The following RTTN variants were observed in gnomAD, a reference collection of about 807,000 sequenced individuals.
RTTN encodes the protein rotatin.
A neutral mutation model predicts 269.2 loss-of-function variants in RTTN; 182 were observed. The observed-to-expected ratio is 0.68, with a 90% CI of 0.60 to 0.76. RTTN has a LOEUF of 0.76. RTTN is among the 30% of genes least tolerant of loss of function. The probability of loss-of-function intolerance (pLI) is 0.00; values close to 1 mark genes in which losing one functional copy is unlikely to be tolerated. For missense variants in RTTN, 2,545 were observed against 2,608.6 expected (o/e 0.98, Z 0.53); for synonymous variants, 1,006 against 963.5 (o/e 1.04, Z -0.82).
chr18:70,197,782 T>C, intron 5 of RTTN, 44 bp from the exon 6 acceptor site: 2 of 1,255,930 alleles, frequency 1.6e-6, no homozygotes, highest in South Asian at 1.2e-5. Flanking sequence ...AGTTCATCTA[T>C]TCCAGATTCT....
At chr18:70,028,642 T>G (rs897123747) in intron 43 of RTTN, 82 bp downstream of exon 43, 65 of 747,376 alleles carry the variant, frequency 8.7e-5, no homozygotes, top group Non-Finnish European at 1.2e-4. Context: ...TTTCCATTTT[T>G]CCTACTACAT....
At chr18:70,052,242 TA>T (rs1021960944) in intron 38 of RTTN, among the ~76,000 whole-genome samples, 1 of 152,152 alleles carries the variant, frequency 6.6e-6, no homozygotes, top group African/African-American at 2.4e-5. Flanking sequence ...GTAAACTTTA[TA>T]GGACGTTAAC....
chr18:70,150,999 T>C (rs1011508947), intron 14 of RTTN, among the ~76,000 whole-genome samples: 3 of 151,822 alleles, frequency 2.0e-5, no homozygotes, highest in African/African-American at 7.2e-5. Flanking sequence ...TTAAAGTTAA[T>C]TCATCATGAC....
chr18:70,166,329 T>C (rs1032396602), intron 13 of RTTN, 141 bp from the exon 14 acceptor site: 1 of 743,946 alleles, frequency 1.3e-6, no homozygotes, highest in East Asian at 2.8e-5. Flanking sequence ...TACTAGCAAG[T>C]ACTCACCTAA....
chr18:70,090,579 G>GA (rs1442940200), intron 30 of RTTN, among the ~76,000 whole-genome samples: 1 of 152,142 alleles, frequency 6.6e-6, no homozygotes. Context: ...TTTGGAAAAT[G>GA]AAACCTCTGA....
intron 34 of RTTN, among the ~76,000 whole-genome samples, chr18:70,068,248 T>C (rs886906086): frequency 6.6e-6 from 1 of 152,172 alleles, no homozygotes; most frequent in South Asian, 2.1e-4. Flanking sequence ...AAAATCCAAG[T>C]AATAACTAGA....
At chr18:70,177,795 A>G (rs2145992368) in intron 10 of RTTN, among the ~76,000 whole-genome samples, 1 of 152,328 alleles carries the variant, frequency 6.6e-6, no homozygotes, top group African/African-American at 2.4e-5. Context: ...AGTCGTTGGC[A>G]AGAATATGGA....
chr18:70,075,739 A>C (rs2058412203), intron 32 of RTTN, among the ~76,000 whole-genome samples, 198 bp from the exon 33 acceptor site: 1 of 152,068 alleles, frequency 6.6e-6, no homozygotes, highest in South Asian at 2.1e-4. Flanking sequence ...TTTGCTGCCT[A>C]AACACCCCCG....
chr18:70,205,590 CG>C (rs756077685), intron 1 of RTTN, 37 bp downstream of exon 1: 2 of 1,613,320 alleles, frequency 1.2e-6, no homozygotes, highest in African/African-American at 2.7e-5. Flanking sequence ...GGCCAGAGCG[CG>C]GGGGGTGCCT....
At position 70,188,260 on chromosome 18, in the gene RTTN, G is replaced by T. The variant is rs771765287; in HGVS notation, c.1190-37C>A. On this transcript the variant is annotated intron_variant, in intron 9 of 48. Coordinates refer to ENST00000640769, the MANE Select transcript of RTTN (RefSeq NM_173630.4). ...AACAGAAAAAAGTAAAGGAGAAGAA[G>T]TTACTTAACTTTAAAATAATCAGCT... 3.6e-6 allele frequency: 4 copies of T among 1,121,398 alleles called. No homozygotes were observed. In the East Asian group the frequency reaches 9.5e-5, roughly 27 times the overall value. The allele number at this position is 1,121,398 out of a possible 1,614,324, so 69.5% of individuals were successfully genotyped here.
intron 28 of RTTN, among the ~76,000 whole-genome samples, chr18:70,097,648 G>A (rs1026543341): frequency 2.6e-5 from 4 of 152,124 alleles, no homozygotes; most frequent in South Asian, 2.1e-4. Flanking sequence ...TTATAACTGC[G>A]AAACATTACA....
intron 28 of RTTN, among the ~76,000 whole-genome samples, chr18:70,104,596 T>G (rs1181674637): frequency 6.6e-6 from 1 of 152,234 alleles, no homozygotes; most frequent in Admixed American, 6.5e-5. Flanking sequence ...TTTTCAGCTT[T>G]TCTGCTCTGT....
chr18:70,006,348 TC>T, intron 47 of RTTN, 32 bp downstream of exon 47: 1 of 1,479,680 alleles, frequency 6.8e-7, no homozygotes, highest in African/African-American at 1.4e-5. Flanking sequence ...TGTTGTTTGC[TC>T]CCCAGGTGTA....
rs754089652 is a variant in RTTN at position 70,054,299 on chromosome 18, G to C, written c.5032-15C>G. 1 of 1,597,630 alleles carries C rather than the reference G, an allele frequency of 6.3e-7. No individual in the cohort carries two copies. The highest frequency in any genetic ancestry group is 1.1e-5 in the South Asian group (1 of 88,062). ...AGAAAGGAAACCTGTTTGAAAAGGA[G>C]ACAGGGTCAAATCAAACATGCCATA... On this transcript the variant is annotated splice_polypyrimidine_tract_variant and intron_variant, in intron 37 of 48. Transcript: ENST00000640769.
intron 7 of RTTN, among the ~76,000 whole-genome samples, chr18:70,193,886 T>A (rs1202609354): frequency 1.3e-5 from 2 of 152,188 alleles, no homozygotes; most frequent in Non-Finnish European, 2.9e-5. Context: ...CAATCGATTG[T>A]TAACTATGAC....
intron 32 of RTTN, among the ~76,000 whole-genome samples, chr18:70,085,788 A>G (rs2058685503): frequency 6.6e-6 from 1 of 152,168 alleles, no homozygotes; most frequent in Admixed American, 6.6e-5. Context: ...ACACATGGAC[A>G]TAAAGACAGA....
intron 34 of RTTN, among the ~76,000 whole-genome samples, chr18:70,072,884 C>T (rs1467021240): frequency 6.6e-6 from 1 of 152,062 alleles, no homozygotes; most frequent in Non-Finnish European, 1.5e-5. Flanking sequence ...GAAAGCATGA[C>T]ATCTAGTGGA....
intron 28 of RTTN, among the ~76,000 whole-genome samples, chr18:70,104,631 T>C (rs1265671459): frequency 1.3e-5 from 2 of 152,218 alleles, no homozygotes; most frequent in Non-Finnish European, 2.9e-5. Context: ...TGTGGTTTTA[T>C]CTATCTTTGG....
At chr18:70,018,826 CTTTTTTTTTTTT>C (rs5825984) in intron 45 of RTTN, among the ~76,000 whole-genome samples, 7 of 48,956 alleles carry the variant, frequency 1.4e-4, no homozygotes, top group Admixed American at 9.2e-4. Context: ...GTGGGCACTC[CTTTTTTTTTTTT>C]TTTTTTTTTT....
Sources: allele counts gnomAD v4.1 joint callset (sites outside exome capture counted in the v4.1 genomes callset), GRCh38; gene constraint gnomAD v4.1.1; transcripts MANE v1.5; gene names NCBI Gene and HGNC (gene_info 2026-07-23, HGNC 2026-07-21).